ABHD12: variants seen among roughly 807,000 people sequenced by gnomAD.
ABHD12 encodes lysophosphatidylserine lipase ABHD12.
Under a neutral mutation model 58.3 loss-of-function variants are expected in ABHD12, and 43 were observed. That is an observed-to-expected ratio of 0.74 (90% CI 0.58 to 0.95). The LOEUF is 0.95. ABHD12 is among the 40% of genes least tolerant of loss of function. The pLI is 0.00. For missense variants in ABHD12, 539 were observed against 537.2 expected, an observed-to-expected ratio of 1.00 and a Z score of -0.03; for synonymous variants, 219 against 211.2, an observed-to-expected ratio of 1.04 and a Z score of -0.32.
chr20:25,296,209 C>T (rs762604212), downstream of ABHD12, among the ~76,000 whole-genome samples: 3 of 152,144 alleles, frequency 2.0e-5, no homozygotes, highest in Non-Finnish European at 4.4e-5. Context: ...CCGTGGGGTC[C>T]CCTTTTCAAC....
intron 1 of ABHD12, among the ~76,000 whole-genome samples, chr20:25,343,543 G>A (rs185486890): frequency 1.4e-4 from 21 of 152,270 alleles, no homozygotes; most frequent in Admixed American, 1.0e-3. Flanking sequence ...GGTGGCTCAC[G>A]CCTGTAATTC....
In ABHD12 at chr20:25,367,427, T is replaced by C. The variant is rs949309579; in HGVS notation, c.191+23086A>G. On this transcript the variant is annotated intron_variant, in intron 1 of 12. Coordinates refer to ENST00000339157, the MANE Select transcript of ABHD12 (RefSeq NM_001042472.3). ...CCAATTTTTTTACACGTAACAAAAT[T>C]TACCATCATAACCATTTTCACGTGT... 2.0e-4 allele frequency among the ~76,000 whole-genome samples: 30 copies of C among 152,336 alleles called. 1 individual carries two copies. Among genetic ancestry groups the C allele is most frequent in the South Asian group, 1.2e-3 (6 of 4,822 alleles).
chr20:25,312,918 CT>C (rs2088886173), intron 6 of ABHD12, among the ~76,000 whole-genome samples: 1 of 151,510 alleles, frequency 6.6e-6, no homozygotes, highest in African/African-American at 2.4e-5. Context: ...GCCGCCCCAT[CT>C]GGGAAGTGAG....
At chr20:25,383,267 G>A (rs1476719586) in intron 1 of ABHD12, among the ~76,000 whole-genome samples, 2 of 152,194 alleles carry the variant, frequency 1.3e-5, no homozygotes, top group African/African-American at 2.4e-5. Flanking sequence ...TCTTCTTTGG[G>A]TAAAGGAAGA....
chr20:25,339,469 G>T, intron 1 of ABHD12, 118 bp from the exon 2 acceptor site: 1 of 1,497,132 alleles, frequency 6.7e-7, no homozygotes, highest in Non-Finnish European at 9.2e-7. Flanking sequence ...TTTCCACAAG[G>T]ATACTGCCAA....
chr20:25,381,625 TC>T (rs1194099613), intron 1 of ABHD12, among the ~76,000 whole-genome samples: 2 of 95,390 alleles, frequency 2.1e-5, no homozygotes, highest in Non-Finnish European at 4.1e-5. Flanking sequence ...CTCAGTACCC[TC>T]TTTTTTTTTT....
At chr20:25,356,674 G>A (rs989098310) in intron 1 of ABHD12, among the ~76,000 whole-genome samples, 8 of 152,224 alleles carry the variant, frequency 5.3e-5, no homozygotes, top group African/African-American at 9.6e-5. Context: ...AAAGCCCTGC[G>A]GAGCACCAGG....
rs965036845 is a variant in ABHD12 at position 25,382,939 on chromosome 20, A to G, written c.191+7574T>C. Among the ~76,000 whole-genome samples, 40 of 147,794 alleles carry G rather than the reference A, an allele frequency of 2.7e-4. 1 individual carries two copies. In the East Asian group the frequency reaches 6.8e-3, roughly 25 times the overall value. On this transcript the variant is annotated intron_variant, in intron 1 of 12. Coordinates refer to ENST00000339157, the MANE Select transcript of ABHD12 (RefSeq NM_001042472.3). ...GGAAGAGGAAAACCAGTACCAGTTG[A>G]GGGGGGGGGCCAGCTATGGCGCCAT...
chr20:25,300,435 G>T lies in ABHD12; in HGVS notation c.*410C>A, dbSNP rs1046123. The stretch of plus-strand genomic sequence containing the variant: ...ATTCTGCATGTGCTGGGAAGGTGCA[G>T]AAAGAACCTGGACCCCACGTTCTCT... On this transcript the variant is annotated 3_prime_UTR_variant, in exon 13 of 13. Transcript: ENST00000339157. The T allele has an allele frequency of 8.5e-7, 1 of 1,173,912 alleles. No homozygotes were observed. Among genetic ancestry groups the T allele is most frequent in the South Asian group, 1.9e-5 (1 of 53,044 alleles). 72.7% of individuals were successfully genotyped at this position (1,173,912 alleles called of 1,614,324 possible). A position where few individuals can be genotyped will look rare whatever the true frequency, so the allele number is the denominator to read the frequency against.
intron 1 of ABHD12, among the ~76,000 whole-genome samples, chr20:25,378,527 T>C (rs982819889): frequency 6.6e-5 from 10 of 151,866 alleles, no homozygotes; most frequent in East Asian, 3.9e-4. Context: ...GAGAAAAAAA[T>C]AGTTGAAAGT....
intron 2 of ABHD12, among the ~76,000 whole-genome samples, chr20:25,337,456 A>T (rs1302376412): frequency 6.6e-6 from 1 of 152,240 alleles, no homozygotes; most frequent in South Asian, 2.1e-4. Flanking sequence ...CCTCCCTCAG[A>T]GCAGTCTACC....
chr20:25,311,465 G>A (rs2088847845), intron 6 of ABHD12, among the ~76,000 whole-genome samples: 1 of 152,220 alleles, frequency 6.6e-6, no homozygotes, highest in Non-Finnish European at 1.5e-5. Context: ...CTGACCTCCA[G>A]AACTGCAAGA....
At chr20:25,314,426 C>T (rs899256978) in intron 6 of ABHD12, among the ~76,000 whole-genome samples, 1 of 151,940 alleles carries the variant, frequency 6.6e-6, no homozygotes, top group African/African-American at 2.4e-5. Context: ...GCCTGTAATC[C>T]CAACACTCTG....
chr20:25,364,447 G>A (rs891328825), intron 1 of ABHD12, among the ~76,000 whole-genome samples: 9 of 152,180 alleles, frequency 5.9e-5, no homozygotes, highest in Admixed American at 2.0e-4. Flanking sequence ...GGCAGAGATC[G>A]CAGAGCAGAG....
At chr20:25,339,574 T>C (rs1240623155) in intron 1 of ABHD12, 11 of 1,482,428 alleles carry the variant, frequency 7.4e-6, no homozygotes, top group Non-Finnish European at 9.2e-6. Context: ...TAAGAGGAAC[T>C]TTTTTTCTTG....
intron 1 of ABHD12, among the ~76,000 whole-genome samples, chr20:25,372,793 T>C (rs751464382): frequency 2.3e-4 from 35 of 152,318 alleles, no homozygotes; most frequent in Admixed American, 6.5e-4. Flanking sequence ...TGTGGTGATG[T>C]GGTATAAACA....
intron 1 of ABHD12, among the ~76,000 whole-genome samples, chr20:25,372,289 C>T (rs373544870): frequency 4.9e-4 from 75 of 152,190 alleles, no homozygotes; most frequent in African/African-American, 1.6e-3. Context: ...CACCTCCTGG[C>T]CTTAAGTGAT....
At chr20:25,328,166 G>A (rs564536347) in intron 2 of ABHD12, among the ~76,000 whole-genome samples, 6 of 152,042 alleles carry the variant, frequency 3.9e-5, no homozygotes, top group East Asian at 1.9e-4. Context: ...AATGGGACCC[G>A]GAGAAGGCTC....
intron 2 of ABHD12, among the ~76,000 whole-genome samples, chr20:25,324,114 G>A (rs1461680002): frequency 6.6e-6 from 1 of 152,186 alleles, no homozygotes; most frequent in Non-Finnish European, 1.5e-5. Context: ...CAGCAGGACA[G>A]CGAGTGAATT....
Sources: gnomAD v4.1 joint callset for allele counts (sites outside exome capture counted in the v4.1 genomes callset) on GRCh38, gnomAD v4.1.1 for gene constraint, MANE v1.5 for transcripts, NCBI Gene and HGNC (gene_info 2026-07-23, HGNC 2026-07-21) for gene names.